Variants in PUF60 observed in about 807,000 individuals in gnomAD.
PUF60 encodes poly(U)-binding-splicing factor PUF60.
A neutral mutation model predicts 61.8 loss-of-function variants in PUF60; 10 were observed. The observed-to-expected ratio is 0.16, with a 90% CI of 0.10 to 0.27. PUF60 has a LOEUF of 0.27. Among genes scored for constraint, PUF60 ranks in the 10% least tolerant of loss-of-function variants. PUF60 has a pLI of 1.00. For synonymous variants in PUF60, 353 were observed against 300.9 expected (o/e 1.17, Z -1.79); for missense variants, 371 against 754.0 (o/e 0.49, Z 5.95).
intron 1 of PUF60, among the ~76,000 whole-genome samples, chr8:143,825,816 C>T (rs1166321553): frequency 6.6e-6 from 1 of 152,246 alleles, no homozygotes; most frequent in Non-Finnish European, 1.5e-5. Flanking sequence ...CGACCAGTCT[C>T]CAGATACCCG....
intron 1 of PUF60, chr8:143,829,072 G>A (rs1409365421): frequency 9.4e-7 from 1 of 1,059,260 alleles, no homozygotes; most frequent in African/African-American, 1.7e-5. Context: ...CGGAAGCTGG[G>A]GTCCGCAGGC....
Position 143,818,569 on chromosome 8 carries a change from C to A in PUF60, c.349-35G>T, listed in dbSNP as rs372778526. ...GACAGAGGGGAGAGAACCGCTGGCT[C>A]GTCAGGGGCGGCAGGAAGCTGGGCA... On this transcript the variant is annotated intron_variant, in intron 5 of 11. Coordinates refer to ENST00000526683, the MANE Select transcript of PUF60 (RefSeq NM_078480.3). This position sits in a 1 kb window ranked among gnomAD's most constrained non-coding sequence, Gnocchi z 7.9. 5.0e-4 allele frequency: 763 copies of A among 1,534,144 alleles called. No homozygotes were observed. Among genetic ancestry groups the A allele is most frequent in the Non-Finnish European group, 5.6e-4 (641 of 1,137,166 alleles).
chr8:143,819,239 A>G (rs1277261389), intron 5 of PUF60, among the ~76,000 whole-genome samples: 5 of 151,966 alleles, frequency 3.3e-5, no homozygotes, highest in African/African-American at 1.2e-4. Context: ...GGTAGCAGAG[A>G]CCCTACGAGA....
Position 143,818,394 on chromosome 8 carries a change from G to A in PUF60, c.489C>T (p.Asp163=), listed in dbSNP as rs752607720. ...TGACCTTGTGCTTCATGGTGACGGAGTCCCAGGACATGTCGATGCTCTTGA... is the reference window on the plus strand; with the variant it reads ...TGACCTTGTGCTTCATGGTGACGGAATCCCAGGACATGTCGATGCTCTTGA... ...GPIKSIDMSW[D]SVTMKHKGFA... is the part of the protein sequence containing the mutation. Residue 163 remains aspartate, a synonymous_variant, in exon 6 of 12, where the codon GAC becomes GAT. Coordinates refer to ENST00000526683, the MANE Select transcript of PUF60 (RefSeq NM_078480.3). The surrounding 1 kb of genome is among the most constrained non-coding windows in gnomAD (Gnocchi z 7.9). 4 of 1,612,790 alleles carry A rather than the reference G, an allele frequency of 2.5e-6. No homozygotes were observed. The East Asian group carries it at 8.9e-5, about 36-fold the overall frequency.
Position 143,818,012 on chromosome 8 carries a change from G to A in PUF60, c.667C>T (p.Arg223Trp), listed in dbSNP as rs1816560832. Residue 223 changes from arginine to tryptophan, a missense_variant, in exon 8 of 12, where the codon CGG becomes TGG. Transcript: ENST00000526683. The surrounding 1 kb of genome is among the most constrained non-coding windows in gnomAD (Gnocchi z 7.9). ...PIIDQLAEEARAFNRIYVASV... is the reference protein window; with the variant it reads ...PIIDQLAEEAWAFNRIYVASV... ...GCCACGTAGATGCGGTTGAAGGCCC[G>A]TGCCTCCTCAGCCAACTGGTCTATG... 3.1e-6 allele frequency: 5 copies of A among 1,612,756 alleles called. No homozygotes were observed. The highest frequency in any genetic ancestry group is 1.3e-5 in the African/African-American group (1 of 74,910).
At chr8:143,827,374 A>C (rs1209950859) in intron 1 of PUF60, 1 of 456,170 alleles carries the variant, frequency 2.2e-6, no homozygotes, top group African/African-American at 2.0e-5. Flanking sequence ...AGATGCATCC[A>C]GAAGACCTAC....
intron 5 of PUF60, chr8:143,819,177 G>A (rs6986079): frequency 0.88 from 134,087 of 152,174 alleles, 59,340 homozygotes; most frequent in East Asian, 0.98. Flanking sequence ...GCCCCCAGCC[G>A]AGAGAGCGGG....
Position 143,818,340 on chromosome 8 carries a change from CCGAAGTGG to C in PUF60, c.510+25_510+32del. On this transcript the variant is annotated intron_variant, in intron 6 of 11. Transcript: ENST00000526683. The surrounding 1 kb of genome is among the most constrained non-coding windows in gnomAD (Gnocchi z 7.9). ...CGCGAGCCCAGGGGTGGGGGCGAGC[CCGAAGTGG>C]CCGGGGCGGACCAAGCCTGCTGACC... The C allele has an allele frequency of 6.2e-7, 1 of 1,609,594 alleles. No individual in the cohort carries two copies. The highest frequency in any genetic ancestry group is 8.5e-7 in the Non-Finnish European group (1 of 1,177,500).
intron 1 of PUF60, 161 bp downstream of exon 1, chr8:143,829,118 GC>G: frequency 1.7e-6 from 2 of 1,164,844 alleles, no homozygotes; most frequent in Middle Eastern, 7.0e-4. Flanking sequence ...GCCGGCGCGC[GC>G]CCGCCCCGCC....
chr8:143,828,333 G>T (rs1022071414), intron 1 of PUF60, among the ~76,000 whole-genome samples: 4 of 152,238 alleles, frequency 2.6e-5, no homozygotes, highest in African/African-American at 9.6e-5. Context: ...ATCCCGCTGG[G>T]TGTGGGCTGG....
chr8:143,817,012 G>C lies in PUF60; in HGVS notation c.1278C>G (p.Pro426=), dbSNP rs369690119. The stretch of plus-strand genomic sequence containing the variant: ...TCAGCATCTCTGGCCGCTCTGACTC[G>C]GGAAACAGCTCCTCTTCTTCCTTCT... ...KKEKEEEELF[P]ESERPEMLSE... The change falls in exon 11 of 12, where the codon CCC becomes CCG. Residue 426 remains proline, a synonymous_variant. Coordinates refer to ENST00000526683, the MANE Select transcript of PUF60 (RefSeq NM_078480.3). This position sits in a 1 kb window ranked among gnomAD's most constrained non-coding sequence, Gnocchi z 7.4. 1.6e-4 allele frequency: 260 copies of C among 1,608,464 alleles called. No individual in the cohort carries two copies. Among genetic ancestry groups the C allele is most frequent in the Non-Finnish European group, 2.2e-4 (256 of 1,177,784 alleles).
chr8:143,819,965 G>C (rs147996054), intron 5 of PUF60, among the ~76,000 whole-genome samples: 2 of 152,320 alleles, frequency 1.3e-5, no homozygotes, highest in East Asian at 1.9e-4. Context: ...TGACCCCTCT[G>C]AACAGAGGCT....
chr8:143,821,284 G>C, intron 4 of PUF60: 1 of 538,178 alleles, frequency 1.9e-6, no homozygotes, highest in South Asian at 2.1e-5. Context: ...GCTGTGCACA[G>C]CTGGGGCAGG....
Position 143,818,580 on chromosome 8 carries a change from G to C in PUF60, c.349-46C>G. 1 of 1,517,428 alleles carries C rather than the reference G, an allele frequency of 6.6e-7. No homozygotes were observed. Among genetic ancestry groups the C allele is most frequent in the Non-Finnish European group, 8.9e-7 (1 of 1,129,472 alleles). The allele number at this position is 1,517,428 out of a possible 1,614,324, so 94.0% of individuals were successfully genotyped here. A position where few individuals can be genotyped will look rare whatever the true frequency, so the allele number is the denominator to read the frequency against. On this transcript the variant is annotated intron_variant, in intron 5 of 11. Coordinates refer to ENST00000526683, the MANE Select transcript of PUF60 (RefSeq NM_078480.3). This position sits in a 1 kb window ranked among gnomAD's most constrained non-coding sequence, Gnocchi z 7.9. ...GAGAACCGCTGGCTCGTCAGGGGCG[G>C]CAGGAAGCTGGGCAGCCCACTCCCC...
intron 1 of PUF60, 92 bp from the exon 2 acceptor site, chr8:143,824,491 G>A (rs1322939188): frequency 8.2e-6 from 11 of 1,344,952 alleles, no homozygotes; most frequent in South Asian, 7.6e-5. Context: ...AGCTCCTCAC[G>A]GATAAGCAAG....
In PUF60 at chr8:143,817,519, A is replaced by G. The variant is rs1331057213; in HGVS notation, c.1009-53T>C. ...GTCCCTGGTCTGGCTACTCAAGACC[A>G]CCTTGAATCAGTCTCCAAGGAATCA... On this transcript the variant is annotated intron_variant, in intron 9 of 11. Coordinates refer to ENST00000526683, the MANE Select transcript of PUF60 (RefSeq NM_078480.3). The surrounding 1 kb of genome is among the most constrained non-coding windows in gnomAD (Gnocchi z 7.4). 2.5e-6 allele frequency: 4 copies of G among 1,607,784 alleles called. No homozygotes were observed. The highest frequency in any genetic ancestry group is 3.4e-6 in the Non-Finnish European group (4 of 1,178,844).
chr8:143,829,238 G>C (rs1818022867), intron 1 of PUF60, 42 bp downstream of exon 1: 1 of 1,242,062 alleles, frequency 8.1e-7, no homozygotes, highest in Non-Finnish European at 1.0e-6. Context: ...ACCCGGCCCC[G>C]CAAGCCGAGG....
At chr8:143,819,692 C>T (rs1237613450) in intron 5 of PUF60, among the ~76,000 whole-genome samples, 6 of 152,168 alleles carry the variant, frequency 3.9e-5, no homozygotes, top group Admixed American at 1.3e-4. Flanking sequence ...TGACAGACCT[C>T]AGGCTCCCCA....
chr8:143,821,226 C>T (rs1168514189), intron 4 of PUF60: 2 of 449,064 alleles, frequency 4.5e-6, no homozygotes, highest in Non-Finnish European at 8.2e-6. Flanking sequence ...CAGTCTTATC[C>T]AGGCCACGGG....
Sources: allele counts gnomAD v4.1 joint callset (sites outside exome capture counted in the v4.1 genomes callset), GRCh38; gene constraint gnomAD v4.1.1; non-coding constraint Gnocchi (gnomAD v3.1); transcripts MANE v1.5; gene names NCBI Gene and HGNC (gene_info 2026-07-23, HGNC 2026-07-21).